The following RPS6KC1 variants were observed in gnomAD, a reference collection of about 807,000 sequenced individuals.
RPS6KC1 encodes the protein ribosomal protein S6 kinase C1.
A neutral mutation model predicts 103.8 loss-of-function variants in RPS6KC1; 54 were observed. The observed-to-expected ratio is 0.52, with a 90% CI of 0.42 to 0.65. The LOEUF is 0.65. RPS6KC1 is among the 30% of genes least tolerant of loss of function. RPS6KC1 has a pLI of 0.00. For missense variants in RPS6KC1, 1,151 were observed against 1,253.8 expected (o/e 0.92, Z 1.24); for synonymous variants, 439 against 438.7 (o/e 1.00, Z -0.01).
chr1:213,232,038 G>T, intron 9 of RPS6KC1, 85 bp from the exon 10 acceptor site: 5 of 1,525,594 alleles, frequency 3.3e-6, no homozygotes, highest in African/African-American at 1.4e-5. Context: ...AGATTAGTTT[G>T]GTTGATAAAC....
the RPS6KC1 span, among the ~76,000 whole-genome samples, chr1:213,738,077 C>G: frequency 6.6e-6 from 1 of 152,178 alleles, no homozygotes; most frequent in East Asian, 1.9e-4. Context: ...TCCCCAAAGT[C>G]TTAGACACTT....
At chr1:213,420,530 G>A in the RPS6KC1 span, among the ~76,000 whole-genome samples, 9 of 152,314 alleles carry the variant, frequency 5.9e-5, no homozygotes, top group South Asian at 2.1e-4. Flanking sequence ...TGGTTCTTAA[G>A]GAGACCTATC....
chr1:213,232,970 G>A (rs562246406), intron 10 of RPS6KC1, among the ~76,000 whole-genome samples: 4 of 152,130 alleles, frequency 2.6e-5, no homozygotes, highest in East Asian at 1.9e-4. Flanking sequence ...AGAGGTGTTC[G>A]TAAAATAGTA....
intron 10 of RPS6KC1, among the ~76,000 whole-genome samples, chr1:213,236,209 C>G (rs754696994): frequency 6.6e-5 from 10 of 152,164 alleles, no homozygotes; most frequent in Non-Finnish European, 1.3e-4. Flanking sequence ...TGTCCCCATC[C>G]ACGGAAAAAT....
the RPS6KC1 span, among the ~76,000 whole-genome samples, chr1:213,851,503 G>A: frequency 2.6e-5 from 4 of 152,026 alleles, no homozygotes; most frequent in South Asian, 2.1e-4. Context: ...TTGACTCCAG[G>A]TTTTACTTTT....
the RPS6KC1 span, among the ~76,000 whole-genome samples, chr1:213,283,278 T>TG: frequency 1.3e-5 from 2 of 152,242 alleles, no homozygotes; most frequent in Admixed American, 1.3e-4. Context: ...CTCCTGCTGT[T>TG]GCTGGGAAGA....
At chr1:213,571,188 G>GT in the RPS6KC1 span, among the ~76,000 whole-genome samples, 94 of 152,212 alleles carry the variant, frequency 6.2e-4, no homozygotes, top group African/African-American at 2.2e-3. Flanking sequence ...AAAATGGAGG[G>GT]TTTTTTGGGA....
intron 1 of RPS6KC1, among the ~76,000 whole-genome samples, chr1:213,061,014 C>A (rs767183583): frequency 1.3e-5 from 2 of 152,046 alleles, no homozygotes; most frequent in Non-Finnish European, 2.9e-5. Context: ...GATGAGGGCC[C>A]GCTTCCTGAT....
chr1:213,765,684 A>C, the RPS6KC1 span, among the ~76,000 whole-genome samples: 1 of 151,896 alleles, frequency 6.6e-6, no homozygotes, highest in Non-Finnish European at 1.5e-5. Context: ...CCAAGTCCTT[A>C]CCCACTCTAC....
intron 6 of RPS6KC1, among the ~76,000 whole-genome samples, chr1:213,139,852 T>C (rs928045238): frequency 1.3e-5 from 2 of 152,090 alleles, no homozygotes; most frequent in African/African-American, 4.8e-5. Context: ...AAATGAATTT[T>C]AGAATTTTTT....
At chr1:213,362,699 G>C in the RPS6KC1 span, among the ~76,000 whole-genome samples, 2 of 152,216 alleles carry the variant, frequency 1.3e-5, no homozygotes, top group East Asian at 3.9e-4. Context: ...GTCCAGATAT[G>C]TGGTCAAACA....
the RPS6KC1 span, among the ~76,000 whole-genome samples, chr1:213,545,371 CAAATAAATAAAT>C: frequency 2.2e-4 from 26 of 119,658 alleles, no homozygotes; most frequent in South Asian, 8.5e-4. Flanking sequence ...AACTCTGTCT[CAAATAAATAAAT>C]AAATAAATAA....
At chr1:213,459,310 C>T in the RPS6KC1 span, among the ~76,000 whole-genome samples, 7 of 152,062 alleles carry the variant, frequency 4.6e-5, no homozygotes, top group Admixed American at 1.3e-4. Flanking sequence ...TTCAGGGATT[C>T]GGCTTCTTCC....
At chr1:213,711,267 A>G in the RPS6KC1 span, among the ~76,000 whole-genome samples, 2 of 151,932 alleles carry the variant, frequency 1.3e-5, no homozygotes, top group African/African-American at 2.4e-5. Flanking sequence ...TTGATCTTCA[A>G]TCTCTTATAT....
At chr1:213,642,444 T>C in the RPS6KC1 span, among the ~76,000 whole-genome samples, 1 of 152,162 alleles carries the variant, frequency 6.6e-6, no homozygotes, top group African/African-American at 2.4e-5. Context: ...TATCACACGT[T>C]CTTTTCTGTA....
the RPS6KC1 span, among the ~76,000 whole-genome samples, chr1:213,366,595 G>T: frequency 6.6e-6 from 1 of 152,228 alleles, no homozygotes; most frequent in Non-Finnish European, 1.5e-5. Flanking sequence ...GAATGAATGG[G>T]TGTAGCTGTG....
At chr1:213,606,627 T>A in the RPS6KC1 span, among the ~76,000 whole-genome samples, 1 of 152,124 alleles carries the variant, frequency 6.6e-6, no homozygotes. Context: ...TGCCAATAAG[T>A]TTCAAGGCAA....
the RPS6KC1 span, among the ~76,000 whole-genome samples, chr1:213,813,815 G>C: frequency 6.6e-6 from 1 of 152,122 alleles, no homozygotes. Context: ...GCTCGTCTCT[G>C]GGAGTCCATA....
At chr1:213,790,865 T>C in the RPS6KC1 span, among the ~76,000 whole-genome samples, 4 of 152,160 alleles carry the variant, frequency 2.6e-5, no homozygotes, top group African/African-American at 4.8e-5. Flanking sequence ...GTATCTTCTA[T>C]TTGGAATAAG....
Sources: allele counts gnomAD v4.1 joint callset (sites outside exome capture counted in the v4.1 genomes callset), GRCh38; gene constraint gnomAD v4.1.1; transcripts MANE v1.5; gene names NCBI Gene and HGNC (gene_info 2026-07-23, HGNC 2026-07-21).